Variants in COLGALT2 observed in about 807,000 individuals in gnomAD.
COLGALT2 encodes the protein collagen beta(1-O)galactosyltransferase 2, also known as procollagen galactosyltransferase 2.
COLGALT2 carries 49 observed loss-of-function variants against 73.4 expected under a neutral mutation model. The ratio of observed to expected loss-of-function variants is 0.67; its 90% CI spans 0.53 to 0.85. The LOEUF is 0.85. COLGALT2 is among the 40% of genes least tolerant of loss of function. The pLI is 0.00. For missense variants in COLGALT2, 722 were observed against 790.2 expected, an observed-to-expected ratio of 0.91 and a Z score of 1.03; for synonymous variants, 295 against 307.6, an observed-to-expected ratio of 0.96 and a Z score of 0.43.
At chr1:183,987,464 G>C (rs1671519868) in intron 1 of COLGALT2, among the ~76,000 whole-genome samples, 1 of 152,184 alleles carries the variant, frequency 6.6e-6, no homozygotes, top group Non-Finnish European at 1.5e-5. Context: ...AACACATCAG[G>C]TTAGATTGGA....
downstream of COLGALT2, among the ~76,000 whole-genome samples, chr1:183,931,714 A>G (rs770162433): frequency 2.0e-5 from 3 of 151,712 alleles, no homozygotes; most frequent in Admixed American, 6.6e-5. Flanking sequence ...TATTCCTACC[A>G]TTATTTCATA....
intron 8 of COLGALT2, among the ~76,000 whole-genome samples, chr1:183,948,864 G>A (rs1003623528): frequency 6.6e-6 from 1 of 152,098 alleles, no homozygotes; most frequent in African/African-American, 2.4e-5. Context: ...TATTAGAACT[G>A]ATAAAAAGGG....
chr1:184,031,845 TTCC>T, intron 1 of COLGALT2, among the ~76,000 whole-genome samples: 1 of 151,392 alleles, frequency 6.6e-6, no homozygotes, highest in Non-Finnish European at 1.5e-5. Flanking sequence ...CCTTCCTTCC[TTCC>T]TTCCTTCCTT....
chr1:184,028,343 T>C (rs1488024907), intron 1 of COLGALT2, among the ~76,000 whole-genome samples: 4 of 152,232 alleles, frequency 2.6e-5, no homozygotes, highest in Non-Finnish European at 5.9e-5. Context: ...CCAATCAATG[T>C]ACCTCCACAG....
intron 1 of COLGALT2, among the ~76,000 whole-genome samples, chr1:183,993,801 C>T (rs540002757): frequency 6.7e-6 from 1 of 149,586 alleles, no homozygotes; most frequent in South Asian, 2.2e-4. Flanking sequence ...TGTTAAAATT[C>T]TTATTTTCAT....
intron 1 of COLGALT2, 85 bp from the exon 2 acceptor site, chr1:183,978,605 G>A: frequency 1.4e-6 from 1 of 732,342 alleles, no homozygotes; most frequent in Non-Finnish European, 2.2e-6. Flanking sequence ...CTAACTGAAA[G>A]AAGAATGGCT....
intron 1 of COLGALT2, among the ~76,000 whole-genome samples, chr1:183,989,199 C>T (rs191707354): frequency 6.6e-6 from 1 of 152,282 alleles, no homozygotes; most frequent in African/African-American, 2.4e-5. Context: ...TGAGCAGATG[C>T]AAGGGCCCAG....
chr1:183,999,344 G>T (rs1054310348), intron 1 of COLGALT2, among the ~76,000 whole-genome samples: 1 of 151,958 alleles, frequency 6.6e-6, no homozygotes, highest in Non-Finnish European at 1.5e-5. Context: ...TTGCTATGTT[G>T]TCGGATTTGG....
intron 7 of COLGALT2, among the ~76,000 whole-genome samples, chr1:183,951,992 T>C (rs1031030599): frequency 3.9e-5 from 6 of 152,124 alleles, no homozygotes; most frequent in Non-Finnish European, 5.9e-5. Context: ...GGCATAAGAA[T>C]AGACAACACG....
At chr1:183,984,271 G>A (rs1671428553) in intron 1 of COLGALT2, among the ~76,000 whole-genome samples, 1 of 152,200 alleles carries the variant, frequency 6.6e-6, no homozygotes, top group African/African-American at 2.4e-5. Context: ...CAGGCGTGGT[G>A]GTGTGTGCCT....
chr1:183,973,523 G>C, intron 4 of COLGALT2, 93 bp downstream of exon 4: 3 of 1,479,572 alleles, frequency 2.0e-6, no homozygotes, highest in Non-Finnish European at 2.8e-6. Context: ...TGTTTCAAGG[G>C]AGTAAACAAG....
intron 1 of COLGALT2, among the ~76,000 whole-genome samples, chr1:184,006,377 G>A (rs1299855307): frequency 6.6e-6 from 1 of 152,104 alleles, no homozygotes; most frequent in Non-Finnish European, 1.5e-5. Flanking sequence ...CTGAGGTCGG[G>A]AGTTGAAGAC....
chr1:183,964,089 G>A (rs1191436369), intron 5 of COLGALT2, 69 bp from the exon 6 acceptor site: 2 of 1,570,168 alleles, frequency 1.3e-6, no homozygotes, highest in South Asian at 1.2e-5. Context: ...GCGAGGAGAA[G>A]GAACCTGAAC....
rs142616759 is a variant in COLGALT2, at chr1:184,002,810, G to A, written c.264-24290C>T. Reference sequence around the variant, plus strand: ...AAATAATCTTGATGCAAAAGACTGGGCTTAATATCTACCAGAATTTAAAAT... The same window carrying A: ...AAATAATCTTGATGCAAAAGACTGGACTTAATATCTACCAGAATTTAAAAT... On this transcript the variant is annotated intron_variant, in intron 1 of 11. Coordinates refer to ENST00000361927, the MANE Select transcript of COLGALT2 (RefSeq NM_015101.4). 7.9e-5 allele frequency among the ~76,000 whole-genome samples: 12 copies of A among 152,126 alleles called. No individual in the cohort carries two copies. The East Asian group carries it at 2.3e-3, about 29-fold the overall frequency.
At chr1:183,987,095 C>T (rs1462698316) in intron 1 of COLGALT2, among the ~76,000 whole-genome samples, 1 of 152,222 alleles carries the variant, frequency 6.6e-6, no homozygotes, top group Non-Finnish European at 1.5e-5. Context: ...TCCCTACAAG[C>T]TTTGCTTAGG....
At chr1:183,963,719 T>C (rs950165188) in intron 6 of COLGALT2, among the ~76,000 whole-genome samples, 182 bp downstream of exon 6, 1 of 152,216 alleles carries the variant, frequency 6.6e-6, no homozygotes, top group African/African-American at 2.4e-5. Context: ...GGCAAAGACC[T>C]TGTCATATTC....
At chr1:183,948,507 G>C (rs1326761004) in intron 8 of COLGALT2, among the ~76,000 whole-genome samples, 1 of 152,086 alleles carries the variant, frequency 6.6e-6, no homozygotes, top group African/African-American at 2.4e-5. Flanking sequence ...CAAACCATTT[G>C]ACAAAATCCA....
chr1:183,990,451 A>G lies in COLGALT2; in HGVS notation c.264-11931T>C, dbSNP rs115501133. Among the ~76,000 whole-genome samples, 208 of 152,356 alleles carry G rather than the reference A, an allele frequency of 1.4e-3. 1 individual carries two copies. The highest frequency in any genetic ancestry group is 4.1e-3 in the African/African-American group (171 of 41,586). On this transcript the variant is annotated intron_variant, in intron 1 of 11. Transcript: ENST00000361927. The stretch of plus-strand genomic sequence containing the variant: ...GCAACACCTTGTCATTCACATCAAG[A>G]TGCACCCAGTTTCTCACAGATGGAC...
At chr1:183,954,070 C>T (rs1670485189) in intron 7 of COLGALT2, among the ~76,000 whole-genome samples, 1 of 152,226 alleles carries the variant, frequency 6.6e-6, no homozygotes, top group South Asian at 2.1e-4. Flanking sequence ...TACTGTTCAG[C>T]AGCTACAGGG....
Sources: gnomAD v4.1 joint callset for allele counts (sites outside exome capture counted in the v4.1 genomes callset) on GRCh38, gnomAD v4.1.1 for gene constraint, MANE v1.5 for transcripts, NCBI Gene and HGNC (gene_info 2026-07-23, HGNC 2026-07-21) for gene names.